Variants in NUSAP1 observed in about 807,000 individuals in gnomAD.
NUSAP1 encodes the protein nucleolar and spindle-associated protein 1.
NUSAP1 carries 32 observed loss-of-function variants against 52.8 expected under a neutral mutation model. The observed-to-expected ratio is 0.61, with a 90% CI of 0.46 to 0.81. The LOEUF (loss-of-function observed/expected upper bound fraction) is 0.81. Ranked by LOEUF, NUSAP1 falls within the 40% of genes least tolerant of loss-of-function variation. The pLI, the probability that NUSAP1 is intolerant of heterozygous loss-of-function variation, is 0.00. For missense variants in NUSAP1, 499 were observed against 522.3 expected (o/e 0.96, Z 0.43); for synonymous variants, 195 against 183.1 (o/e 1.06, Z -0.52).
At chr15:41,377,382 AGTGGT>A (rs1221113896) in intron 10 of NUSAP1, 78 bp downstream of exon 10, 1 of 752,210 alleles carries the variant, frequency 1.3e-6, no homozygotes, top group Admixed American at 3.1e-5. Context: ...GCTCAGTAAT[AGTGGT>A]GTTTTAAGAG....
intron 4 of NUSAP1, chr15:41,351,945 T>C (rs1183581590): frequency 1.4e-5 from 2 of 146,106 alleles, no homozygotes; most frequent in African/African-American, 4.9e-5. Flanking sequence ...GTTATAGAAT[T>C]TCTTTTTTTT....
intron 10 of NUSAP1, among the ~76,000 whole-genome samples, chr15:41,379,550 T>A (rs999455955): frequency 2.6e-5 from 4 of 152,112 alleles, no homozygotes; most frequent in Non-Finnish European, 5.9e-5. Flanking sequence ...TTATTTATTT[T>A]TGTTTGTTTG....
chr15:41,370,422 C>T (rs1456455915), intron 7 of NUSAP1, among the ~76,000 whole-genome samples: 2 of 150,938 alleles, frequency 1.3e-5, no homozygotes, highest in African/African-American at 2.4e-5. Flanking sequence ...TTGAGAGCAG[C>T]CTGGCCAACA....
chr15:41,370,804 C>T (rs1201906682), intron 7 of NUSAP1, among the ~76,000 whole-genome samples: 1 of 151,402 alleles, frequency 6.6e-6, no homozygotes, highest in African/African-American at 2.4e-5. Flanking sequence ...TACCCATAGT[C>T]CCAGCCACTC....
intron 9 of NUSAP1, 101 bp from the exon 10 acceptor site, chr15:41,377,095 T>C (rs1465344896): frequency 3.1e-6 from 2 of 651,132 alleles, no homozygotes; most frequent in African/African-American, 3.8e-5. Flanking sequence ...AAAAAAAAAG[T>C]ATAAATGTTG....
At chr15:41,345,889 T>C (rs2048548507) in intron 2 of NUSAP1, among the ~76,000 whole-genome samples, 1 of 152,244 alleles carries the variant, frequency 6.6e-6, no homozygotes, top group Non-Finnish European at 1.5e-5. Flanking sequence ...CTCTTCTTAC[T>C]ACTGTGGCCT....
intron 8 of NUSAP1, among the ~76,000 whole-genome samples, chr15:41,372,599 A>G (rs2049745850): frequency 6.6e-6 from 1 of 152,134 alleles, no homozygotes; most frequent in South Asian, 2.1e-4. Context: ...AATTGTACCA[A>G]TCTGTGCTTC....
intron 1 of NUSAP1, among the ~76,000 whole-genome samples, chr15:41,337,831 G>A (rs1262210515): frequency 1.3e-5 from 2 of 151,750 alleles, no homozygotes; most frequent in Non-Finnish European, 2.9e-5. Flanking sequence ...ATCTCTAAAT[G>A]TGGAGTGCCC....
rs115685422 is a variant in NUSAP1 at position 41,369,263 on chromosome 15, C to T, written c.849-2264C>T. Among the ~76,000 whole-genome samples the T allele has an allele frequency of 2.7e-3, 406 of 152,062 alleles. 1 individual carries two copies. Among genetic ancestry groups the T allele is most frequent in the African/African-American group, 9.0e-3 (374 of 41,496 alleles). Reference sequence around the variant, plus strand: ...TTCCTGTTCCTCCAATGTAGTTTTTCAAACTTAAAAATGGCTTTAAGTTTA... The same window carrying T: ...TTCCTGTTCCTCCAATGTAGTTTTTTAAACTTAAAAATGGCTTTAAGTTTA... On this transcript the variant is annotated intron_variant, in intron 7 of 10. Transcript: ENST00000559596.
At chr15:41,347,813 C>CAA (rs374551463) in intron 2 of NUSAP1, among the ~76,000 whole-genome samples, 7 of 95,584 alleles carry the variant, frequency 7.3e-5, no homozygotes, top group Non-Finnish European at 1.4e-4. Context: ...GACTCCGTCT[C>CAA]AAAAAAAAAA....
At position 41,380,316 on chromosome 15, in the gene NUSAP1, T is replaced by C; in HGVS notation, c.*130T>C. On this transcript the variant is annotated 3_prime_UTR_variant, in exon 11 of 11. Transcript: ENST00000559596. ...TGCTAACTGTTCATAGTCTGTGTAGTGTCCATGGGTTCTTCATGTGCTATG... is the reference window on the plus strand; with the variant it reads ...TGCTAACTGTTCATAGTCTGTGTAGCGTCCATGGGTTCTTCATGTGCTATG... 2 of 606,704 alleles carry C rather than the reference T, an allele frequency of 3.3e-6. No homozygotes were observed. The highest frequency in any genetic ancestry group is 2.9e-6 in the Non-Finnish European group (1 of 342,706). 37.6% of individuals were successfully genotyped at this position (606,704 alleles called of 1,614,324 possible).
Position 41,332,917 on chromosome 15 carries a change from G to T in NUSAP1, c.-41G>T. 6.7e-7 allele frequency: 1 copy of T among 1,498,754 alleles called. No individual in the cohort carries two copies. Among genetic ancestry groups the T allele is most frequent in the African/African-American group, 1.4e-5 (1 of 72,454 alleles). 92.8% of individuals were successfully genotyped at this position (1,498,754 alleles called of 1,614,324 possible). A position where few individuals can be genotyped will look rare whatever the true frequency, so the allele number is the denominator to read the frequency against. ...GATTTGAACCGCGCTGACGAAGTTT[G>T]GTGATCCATCTTCCGAGTATCGCCG... On this transcript the variant is annotated 5_prime_UTR_variant, in exon 1 of 11. Coordinates refer to ENST00000559596, the MANE Select transcript of NUSAP1 (RefSeq NM_016359.5).
rs576411608 is a variant in NUSAP1, at chr15:41,356,100, C to A, written c.510C>A (p.Ser170=). Residue 170 remains serine (S), a synonymous_variant, in exon 5 of 11, where the codon TCC becomes TCA. Coordinates refer to ENST00000559596, the MANE Select transcript of NUSAP1 (RefSeq NM_016359.5). Reference sequence around the variant, plus strand: ...AATCTCTCTACACAGATGAGTCATCCAAACCTGGAAAAAATAAAAGAACTG... The same window carrying A: ...AATCTCTCTACACAGATGAGTCATCAAAACCTGGAAAAAATAAAAGAACTG... ...GKKSLYTDES[S]KPGKNKRTAI... is the part of the protein sequence containing the mutation. 2.5e-6 allele frequency: 4 copies of A among 1,607,994 alleles called. No individual in the cohort carries two copies. In the South Asian group the frequency reaches 4.4e-5, roughly 18 times the overall value.
chr15:41,338,194 C>T (rs1435507308), intron 1 of NUSAP1, among the ~76,000 whole-genome samples: 2 of 151,996 alleles, frequency 1.3e-5, no homozygotes, highest in African/African-American at 2.4e-5. Flanking sequence ...CTTGGCGTCC[C>T]AAAGTGCTGG....
chr15:41,336,093 A>G (rs982962637), intron 1 of NUSAP1, among the ~76,000 whole-genome samples: 4 of 150,754 alleles, frequency 2.7e-5, no homozygotes, highest in Non-Finnish European at 5.9e-5. Context: ...AACCCCATCT[A>G]TACTAAAAAT....
chr15:41,370,026 G>A (rs1355207768), intron 7 of NUSAP1, among the ~76,000 whole-genome samples: 1 of 150,924 alleles, frequency 6.6e-6, no homozygotes, highest in Non-Finnish European at 1.5e-5. Flanking sequence ...CCGAGATCAC[G>A]CCACTGCACT....
chr15:41,336,649 T>TTTTTTTTTTTTG (rs2048150467), intron 1 of NUSAP1, among the ~76,000 whole-genome samples: 1 of 109,412 alleles, frequency 9.1e-6, no homozygotes, highest in African/African-American at 5.0e-5. Flanking sequence ...CTCCTTTTGG[T>TTTTTTTTTTTTG]TTTTTTTTTT....
intron 10 of NUSAP1, among the ~76,000 whole-genome samples, chr15:41,377,856 C>A (rs2140880380): frequency 6.6e-6 from 1 of 151,514 alleles, no homozygotes; most frequent in Admixed American, 6.6e-5. Context: ...AAAAAATTAG[C>A]CGGGCGTGGT....
chr15:41,358,224 A>C lies in NUSAP1; in HGVS notation c.626A>C (p.His209Pro). The change falls in exon 6 of 11, where the codon CAT (histidine) becomes CCT (proline). Residue 209 changes from histidine to proline, a missense_variant. Physicochemically the swap from His to Pro is moderately conservative, Grantham distance 77 (BLOSUM62 -2). Transcript: ENST00000559596. ...CAATATATTGAGAGAAAAAAGAAAC[A>C]TTTTGAAGAACACAATTCCATGAAT... ...IDQYIERKKKHFEEHNSMNEL... is the reference protein window; with the variant it reads ...IDQYIERKKKPFEEHNSMNEL... 1 of 1,558,954 alleles carries C rather than the reference A, an allele frequency of 6.4e-7. No individual in the cohort carries two copies. The highest frequency in any genetic ancestry group is 8.8e-7 in the Non-Finnish European group (1 of 1,135,244).
Sources: gnomAD v4.1 joint callset for allele counts (sites outside exome capture counted in the v4.1 genomes callset) on GRCh38, gnomAD v4.1.1 for gene constraint, MANE v1.5 for transcripts, NCBI Gene and HGNC (gene_info 2026-07-23, HGNC 2026-07-21) for gene names.